The following ASAP1 variants were observed in gnomAD, a reference collection of about 807,000 sequenced individuals.
ASAP1 encodes the protein ArfGAP with SH3 domain, ankyrin repeat and PH domain 1, also known as arf-GAP with SH3 domain, ANK repeat and PH domain-containing protein 1.
ASAP1 carries 43 observed loss-of-function variants against 145.2 expected under a neutral mutation model. The observed-to-expected ratio is 0.30, with a 90% confidence interval of 0.23 to 0.38. The LOEUF is 0.38. Among genes scored for constraint, ASAP1 ranks in the 10% least tolerant of loss-of-function variants. The pLI, the probability that ASAP1 is intolerant of heterozygous loss-of-function variation, is 1.00. For missense variants in ASAP1, 1,018 were observed against 1,355.3 expected, an observed-to-expected ratio of 0.75 and a Z score of 3.91; for synonymous variants, 546 against 515.5, an observed-to-expected ratio of 1.06 and a Z score of -0.80.
chr8:130,291,686 A>G (rs1171308006), intron 3 of ASAP1, among the ~76,000 whole-genome samples: 1 of 152,188 alleles, frequency 6.6e-6, no homozygotes, highest in East Asian at 1.9e-4. Flanking sequence ...TATGTTTCAT[A>G]CATACCTTGA....
intron 25 of ASAP1, among the ~76,000 whole-genome samples, chr8:130,080,476 C>CT (rs1564936185): frequency 1.4e-5 from 2 of 138,700 alleles, no homozygotes; most frequent in Non-Finnish European, 1.6e-5. Flanking sequence ...TTCATTCTCT[C>CT]TCTTTTTTTT....
intron 3 of ASAP1, among the ~76,000 whole-genome samples, chr8:130,296,529 A>G (rs1029128534): frequency 8.9e-6 from 1 of 112,806 alleles, no homozygotes; most frequent in Non-Finnish European, 1.8e-5. Flanking sequence ...TTTTTTTCCC[A>G]TTTGCTAAGC....
chr8:130,380,291 T>C (rs1827706664), intron 2 of ASAP1, among the ~76,000 whole-genome samples: 1 of 152,232 alleles, frequency 6.6e-6, no homozygotes, highest in African/African-American at 2.4e-5. Context: ...CTCAGAGCTG[T>C]GCACCTGAGA....
chr8:130,428,869 G>A (rs1039304495), intron 1 of ASAP1, among the ~76,000 whole-genome samples: 1 of 152,086 alleles, frequency 6.6e-6, no homozygotes, highest in Non-Finnish European at 1.5e-5. Context: ...TACCAAAATT[G>A]GATGGCTTAA....
chr8:130,063,887 C>A (rs189743972), intron 27 of ASAP1, among the ~76,000 whole-genome samples: 2 of 152,030 alleles, frequency 1.3e-5, no homozygotes, highest in African/African-American at 4.8e-5. Context: ...TCACATTCCA[C>A]GAGAGGGTGA....
intron 9 of ASAP1, among the ~76,000 whole-genome samples, chr8:130,175,212 C>T (rs1813869930): frequency 1.3e-5 from 2 of 151,978 alleles, no homozygotes; most frequent in Admixed American, 1.3e-4. Context: ...GTTTTTCTGG[C>T]CATTTGTGTG....
At chr8:130,391,574 C>G (rs34180756) in intron 2 of ASAP1, among the ~76,000 whole-genome samples, 9,505 of 152,232 alleles carry the variant, frequency 0.062, 296 homozygotes, top group Middle Eastern at 0.12. Flanking sequence ...CTTTGGTTCT[C>G]AATCTATCCT....
At chr8:130,094,104 G>A (rs866342588) in intron 24 of ASAP1, among the ~76,000 whole-genome samples, 61 of 152,212 alleles carry the variant, frequency 4.0e-4, no homozygotes, top group African/African-American at 1.4e-3. Context: ...TTTTATTTTT[G>A]TAACAATACA....
chr8:130,252,359 T>A (rs914510659), intron 3 of ASAP1, among the ~76,000 whole-genome samples: 2 of 152,124 alleles, frequency 1.3e-5, no homozygotes, highest in African/African-American at 4.8e-5. Context: ...ATTAAGAAAA[T>A]TTTTTCTTTT....
intron 9 of ASAP1, among the ~76,000 whole-genome samples, chr8:130,170,130 T>A (rs570127720): frequency 5.3e-5 from 8 of 152,238 alleles, no homozygotes; most frequent in African/African-American, 1.9e-4. Context: ...CATCTCCCTA[T>A]CACAGTGGGC....
intron 2 of ASAP1, among the ~76,000 whole-genome samples, chr8:130,381,168 G>A (rs567983109): frequency 3.3e-5 from 5 of 152,264 alleles, no homozygotes; most frequent in African/African-American, 9.6e-5. Context: ...TTACAGGGAT[G>A]AGCCACTGCG....
intron 14 of ASAP1, 77 bp downstream of exon 14, chr8:130,136,874 G>C: frequency 8.0e-7 from 1 of 1,248,410 alleles, no homozygotes; most frequent in Non-Finnish European, 1.2e-6. Flanking sequence ...GCTTGGAAAA[G>C]CTGCTGACCT....
Position 130,053,149 on chromosome 8 carries a change from C to A in ASAP1, c.*1582G>T, listed in dbSNP as rs867120595. The A allele has an allele frequency of 2.0e-5, 3 of 152,180 alleles. No individual in the cohort carries two copies. Among genetic ancestry groups the A allele is most frequent in the Non-Finnish European group, 4.4e-5 (3 of 68,040 alleles). The allele number at this position is 152,180 out of a possible 1,614,324, so 9.4% of individuals were successfully genotyped here. ...AATTAATATTCACTGAGCACTGTAA[C>A]GATGGAAGAGGGCTTTTCCTAAGGG... is the stretch of plus-strand genomic sequence containing the variant. On this transcript the variant is annotated 3_prime_UTR_variant, in exon 30 of 30. Transcript: ENST00000518721.
intron 9 of ASAP1, among the ~76,000 whole-genome samples, chr8:130,170,785 A>G (rs772425130): frequency 4.6e-5 from 7 of 152,082 alleles, no homozygotes; most frequent in Non-Finnish European, 8.8e-5. Context: ...ACTGGAGTGC[A>G]GTGGCTCAAT....
rs59778799 is a variant in ASAP1 at position 130,101,732 on chromosome 8, A to ATTTTTTTTTTTTTTTTTTTTT, written c.2402-9590_2402-9589insAAAAAAAAAAAAAAAAAAAAA. 5.9e-4 allele frequency among the ~76,000 whole-genome samples: 51 copies of ATTTTTTTTTTTTTTTTTTTTT among 86,916 alleles called. 2 individuals carry two copies. The highest frequency in any genetic ancestry group is 1.4e-3 in the African/African-American group (26 of 18,090). The allele number at this position is 86,916 out of a possible 152,430, so 57.0% of individuals were successfully genotyped here. On this transcript the variant is annotated intron_variant, in intron 24 of 29. Coordinates refer to ENST00000518721, the MANE Select transcript of ASAP1 (RefSeq NM_018482.4). ...AGGCATGTGCTACCACACCTGGTTA[A>ATTTTTTTTTTTTTTTTTTTTT]TTTTTTTTTTTTTTTTTTTTGCAGA...
intron 2 of ASAP1, among the ~76,000 whole-genome samples, chr8:130,370,777 T>G (rs1367512707): frequency 6.6e-6 from 1 of 152,220 alleles, no homozygotes. Context: ...GGAAACATTA[T>G]GCTAAGTCAA....
At chr8:130,061,325 AT>A (rs991819847) in intron 27 of ASAP1, among the ~76,000 whole-genome samples, 1 of 152,354 alleles carries the variant, frequency 6.6e-6, no homozygotes, top group East Asian at 1.9e-4. Flanking sequence ...ATTAAAAAAA[AT>A]AAATAGAAAC....
At chr8:130,252,570 G>A (rs1243485772) in intron 3 of ASAP1, among the ~76,000 whole-genome samples, 2 of 152,132 alleles carry the variant, frequency 1.3e-5, no homozygotes, top group Non-Finnish European at 2.9e-5. Context: ...CTTGTGAACT[G>A]TACATTTAAA....
chr8:130,314,369 T>C (rs1338306416), intron 3 of ASAP1, among the ~76,000 whole-genome samples: 1 of 152,230 alleles, frequency 6.6e-6, no homozygotes, highest in African/African-American at 2.4e-5. Flanking sequence ...CTGAGCTCCT[T>C]TTATACAGCA....
Sources: gnomAD v4.1 joint callset for allele counts (sites outside exome capture counted in the v4.1 genomes callset) on GRCh38, gnomAD v4.1.1 for gene constraint, MANE v1.5 for transcripts, NCBI Gene and HGNC (gene_info 2026-07-23, HGNC 2026-07-21) for gene names.